The following ANTXR1 variants were observed in gnomAD, a reference collection of about 807,000 sequenced individuals.
ANTXR1 encodes ANTXR cell adhesion molecule 1.
In ANTXR1, 19 loss-of-function variants were observed where a neutral mutation model predicts 78.1. That is an observed-to-expected ratio of 0.24 (90% CI 0.17 to 0.36). The LOEUF is 0.36. ANTXR1 is among the 10% of genes least tolerant of loss of function. The pLI is 1.00. For missense variants in ANTXR1, 518 were observed against 718.6 expected, an observed-to-expected ratio of 0.72 and a Z score of 3.19; for synonymous variants, 273 against 260.5, an observed-to-expected ratio of 1.05 and a Z score of -0.46.
intron 9 of ANTXR1, among the ~76,000 whole-genome samples, chr2:69,100,824 TGAGCCAACCAAGGAATCTGTCA>T (rs1671588904): frequency 6.6e-6 from 1 of 152,216 alleles, no homozygotes; most frequent in African/African-American, 2.4e-5. Context: ...AATTGCTTAT[TGAGCCAACCAAGGAATCTGTCA>T]GATGCCTGAC....
At chr2:69,034,393 C>A (rs1671615605) in intron 1 of ANTXR1, among the ~76,000 whole-genome samples, 1 of 152,148 alleles carries the variant, frequency 6.6e-6, no homozygotes, top group African/African-American at 2.4e-5. Flanking sequence ...AGACTATCTT[C>A]AAGCAGAATT....
At position 69,015,798 on chromosome 2, in the gene ANTXR1, A is replaced by G. The variant is rs146985318; in HGVS notation, c.152+2147A>G. On this transcript the variant is annotated intron_variant, in intron 1 of 17. Coordinates refer to ENST00000303714, the MANE Select transcript of ANTXR1 (RefSeq NM_032208.3). The stretch of plus-strand genomic sequence containing the variant: ...AAATAAGCCATGAAAAAACATAAGA[A>G]GTTACAATAACTATTGCCACATAAA... 2.0e-5 allele frequency among the ~76,000 whole-genome samples: 3 copies of G among 152,300 alleles called. No homozygotes were observed. In the East Asian group the frequency reaches 5.8e-4, roughly 29 times the overall value.
At chr2:69,036,913 G>C (rs1669450780) in intron 1 of ANTXR1, among the ~76,000 whole-genome samples, 1 of 152,170 alleles carries the variant, frequency 6.6e-6, no homozygotes, top group Non-Finnish European at 1.5e-5. Flanking sequence ...TATGTGACCT[G>C]AAGTATACAA....
intron 17 of ANTXR1, among the ~76,000 whole-genome samples, chr2:69,241,398 T>C (rs549021393): frequency 2.0e-4 from 30 of 152,236 alleles, no homozygotes; most frequent in Non-Finnish European, 3.8e-4. Flanking sequence ...TAAGAACTTA[T>C]TGTAACCACA....
intron 10 of ANTXR1, among the ~76,000 whole-genome samples, chr2:69,104,101 G>T (rs902905177): frequency 1.3e-5 from 2 of 152,038 alleles, no homozygotes; most frequent in African/African-American, 2.4e-5. Context: ...ACTACACCCA[G>T]CTAATTTTTT....
chr2:69,212,237 T>C (rs139926128), intron 17 of ANTXR1, among the ~76,000 whole-genome samples: 1 of 146,510 alleles, frequency 6.8e-6, no homozygotes, highest in Non-Finnish European at 1.5e-5. Context: ...ATGGGAGGAG[T>C]AGAGAAAGAG....
At chr2:69,229,740 T>G (rs1276207300) in intron 17 of ANTXR1, among the ~76,000 whole-genome samples, 2 of 151,870 alleles carry the variant, frequency 1.3e-5, no homozygotes, top group African/African-American at 4.8e-5. Context: ...GGTGGTTTTT[T>G]TTTTTTTTTT....
At chr2:69,019,927 T>C (rs1671135276) in intron 1 of ANTXR1, among the ~76,000 whole-genome samples, 1 of 152,232 alleles carries the variant, frequency 6.6e-6, no homozygotes, top group African/African-American at 2.4e-5. Flanking sequence ...TTTTTATAGC[T>C]ACATAAAATG....
At position 69,033,124 on chromosome 2, in the gene ANTXR1, C is replaced by G. The variant is rs1240905889; in HGVS notation, c.153-6920C>G. On this transcript the variant is annotated intron_variant, in intron 1 of 17. Coordinates refer to ENST00000303714, the MANE Select transcript of ANTXR1 (RefSeq NM_032208.3). ...TTCATCACAAGTCAGTCGAGTGGGG[C>G]CAGGCACCCTGTCCTGGGGTCTCTG... Among the ~76,000 whole-genome samples, 7 of 152,228 alleles carry G rather than the reference C, an allele frequency of 4.6e-5. No homozygotes were observed. The East Asian group carries it at 1.4e-3, about 30-fold the overall frequency.
At chr2:69,190,166 C>T (rs1010287443) in intron 16 of ANTXR1, among the ~76,000 whole-genome samples, 10 of 152,158 alleles carry the variant, frequency 6.6e-5, no homozygotes, top group African/African-American at 2.4e-4. Flanking sequence ...AAGCTCGTGG[C>T]ACAGAGACTG....
intron 12 of ANTXR1, among the ~76,000 whole-genome samples, chr2:69,129,625 C>T (rs1284898170): frequency 2.0e-5 from 3 of 151,976 alleles, no homozygotes; most frequent in Non-Finnish European, 4.4e-5. Flanking sequence ...GTGGCGTGCA[C>T]CTGTAATCCC....
At chr2:69,094,153 G>T (rs1671324366) in intron 9 of ANTXR1, among the ~76,000 whole-genome samples, 1 of 152,208 alleles carries the variant, frequency 6.6e-6, no homozygotes, top group Admixed American at 6.5e-5. Context: ...GATAGAGCGA[G>T]GCGTAGCCCC....
chr2:69,026,740 G>C (rs1056380722), intron 1 of ANTXR1, among the ~76,000 whole-genome samples: 3 of 152,204 alleles, frequency 2.0e-5, no homozygotes, highest in African/African-American at 7.2e-5. Flanking sequence ...CTTAATGGGA[G>C]ATGAGAAAGC....
chr2:69,026,894 C>T (rs1413159378), intron 1 of ANTXR1, among the ~76,000 whole-genome samples: 4 of 152,180 alleles, frequency 2.6e-5, no homozygotes, highest in Non-Finnish European at 2.9e-5. Context: ...GACGCTGCAT[C>T]GGGTCCAGAG....
chr2:69,154,257 T>C (rs1316612645), intron 13 of ANTXR1, among the ~76,000 whole-genome samples: 1 of 152,232 alleles, frequency 6.6e-6, no homozygotes, highest in Non-Finnish European at 1.5e-5. Context: ...GGTCTGACTT[T>C]GTAAGTCGTG....
At chr2:69,194,632 C>A (rs925191853) in intron 17 of ANTXR1, among the ~76,000 whole-genome samples, 4 of 152,130 alleles carry the variant, frequency 2.6e-5, no homozygotes, top group Admixed American at 6.5e-5. Flanking sequence ...GCAGGTAGAT[C>A]ACTTGAGGTC....
intron 3 of ANTXR1, among the ~76,000 whole-genome samples, chr2:69,063,078 TG>T (rs1002160443): frequency 1.3e-5 from 2 of 151,858 alleles, no homozygotes; most frequent in Admixed American, 6.6e-5. Context: ...AGGGAGAAAA[TG>T]AACCAGTCCT....
At chr2:69,214,761 C>A (rs1272129769) in intron 17 of ANTXR1, among the ~76,000 whole-genome samples, 1 of 152,228 alleles carries the variant, frequency 6.6e-6, no homozygotes, top group Non-Finnish European at 1.5e-5. Flanking sequence ...CTGGTCTGTG[C>A]TCTGTGGGCC....
intron 1 of ANTXR1, among the ~76,000 whole-genome samples, chr2:69,016,271 T>C (rs929307813): frequency 5.3e-5 from 8 of 152,318 alleles, no homozygotes; most frequent in Middle Eastern, 3.4e-3. Context: ...ATTTGAACTT[T>C]AATAGCCACA....
Sources: allele counts gnomAD v4.1 joint callset (sites outside exome capture counted in the v4.1 genomes callset), GRCh38; gene constraint gnomAD v4.1.1; transcripts MANE v1.5; gene names NCBI Gene and HGNC (gene_info 2026-07-23, HGNC 2026-07-21).